The following SEPTIN7 variants were observed in gnomAD, a reference collection of about 807,000 sequenced individuals.
SEPTIN7 encodes the protein septin-7.
Under a neutral mutation model 63.3 loss-of-function variants are expected in SEPTIN7, and 10 were observed. The observed-to-expected ratio is 0.16, with a 90% CI of 0.10 to 0.27. The LOEUF (loss-of-function observed/expected upper bound fraction) is 0.27, where lower values mean the gene tolerates loss of function less well. SEPTIN7 is among the 10% of genes least tolerant of loss of function. The pLI, the probability that SEPTIN7 is intolerant of heterozygous loss-of-function variation, is 1.00. For missense variants in SEPTIN7, 310 were observed against 521.0 expected (o/e 0.59, Z 3.94); for synonymous variants, 131 against 165.3 (o/e 0.79, Z 1.59).
At chr7:35,851,394 A>G (rs1485841872) in intron 3 of SEPTIN7, among the ~76,000 whole-genome samples, 1 of 152,188 alleles carries the variant, frequency 6.6e-6, no homozygotes, top group Non-Finnish European at 1.5e-5. Context: ...CAAAACATGT[A>G]TAATGCATTT....
At chr7:35,801,757 G>A (rs1787996400) in intron 1 of SEPTIN7, among the ~76,000 whole-genome samples, 1 of 152,106 alleles carries the variant, frequency 6.6e-6, no homozygotes. Flanking sequence ...ACGCTCGGGC[G>A]AGGGTGCTGT....
intron 3 of SEPTIN7, among the ~76,000 whole-genome samples, chr7:35,854,396 G>A (rs1215666323): frequency 4.6e-5 from 7 of 152,194 alleles, no homozygotes; most frequent in Admixed American, 1.3e-4. Flanking sequence ...ATCTCTCAAC[G>A]TCTGGAAGCA....
At position 35,904,926 on chromosome 7, in the gene SEPTIN7, C is replaced by T. The variant is rs1788532254; in HGVS notation, c.*633C>T. ...ATTCTCATTTAGTGCCCTCTTTAGC[C>T]AGAATCTCATTACTGCTTCATTTTT... On this transcript the variant is annotated 3_prime_UTR_variant, in exon 14 of 14. Transcript: ENST00000350320. The T allele has an allele frequency of 6.6e-6, 1 of 152,468 alleles. No homozygotes were observed. Among genetic ancestry groups the T allele is most frequent in the African/African-American group, 2.4e-5 (1 of 41,400 alleles). The allele number at this position is 152,468 out of a possible 1,614,324, so 9.4% of individuals were successfully genotyped here. A position where few individuals can be genotyped will look rare whatever the true frequency, so the allele number is the denominator to read the frequency against.
rs1197379980 is a variant in SEPTIN7, at chr7:35,807,878, A to G, written c.61+6608A>G. Among the ~76,000 whole-genome samples, 6 of 151,864 alleles carry G rather than the reference A, an allele frequency of 4.0e-5. No individual in the cohort carries two copies. The East Asian group carries it at 9.8e-4, about 25-fold the overall frequency. ...GGAGTCTTGCTCTGTCACCCAGGCT[A>G]GTGGCATGATCGTGGCTCACTGCAA... On this transcript the variant is annotated intron_variant, in intron 1 of 13. Transcript: ENST00000350320.
In SEPTIN7 at chr7:35,828,265, C is replaced by G. The variant is rs552595403; in HGVS notation, c.62-3227C>G. ...TGTCTGTTTCTGTAATGGTATCTTT[C>G]TCTGTAGCATTCAGCATAGTTAAGT... On this transcript the variant is annotated intron_variant, in intron 1 of 13. Transcript: ENST00000350320. 2.6e-5 allele frequency among the ~76,000 whole-genome samples: 4 copies of G among 152,226 alleles called. No individual in the cohort carries two copies. In the East Asian group the frequency reaches 7.7e-4, roughly 29 times the overall value.
chr7:35,872,825 CT>C, intron 5 of SEPTIN7, 59 bp downstream of exon 5: 1 of 1,104,338 alleles, frequency 9.1e-7, no homozygotes, highest in Non-Finnish European at 1.4e-6. Flanking sequence ...GGTGGTTAAA[CT>C]TTTTCTTCTT....
intron 1 of SEPTIN7, among the ~76,000 whole-genome samples, chr7:35,829,890 A>G (rs1365461313): frequency 6.6e-6 from 1 of 152,144 alleles, no homozygotes; most frequent in Non-Finnish European, 1.5e-5. Context: ...ACATTTGAGT[A>G]ATAAAAATAA....
At chr7:35,903,395 TAGC>T (rs58070051) in intron 13 of SEPTIN7, among the ~76,000 whole-genome samples, 180 bp downstream of exon 13, 72,669 of 151,692 alleles carry the variant, frequency 0.48, 20,545 homozygotes, top group Non-Finnish European at 0.61. Context: ...CTGTGTCCAT[TAGC>T]AGTATTTTTT....
At chr7:35,824,482 C>T (rs1052173424) in intron 1 of SEPTIN7, among the ~76,000 whole-genome samples, 1 of 152,262 alleles carries the variant, frequency 6.6e-6, no homozygotes, top group African/African-American at 2.4e-5. Context: ...TTAAGATATT[C>T]ATTATCTGTC....
chr7:35,845,392 T>C (rs1007895692), intron 3 of SEPTIN7, among the ~76,000 whole-genome samples: 14 of 152,194 alleles, frequency 9.2e-5, no homozygotes, highest in African/African-American at 1.9e-4. Context: ...ATGCAGTTAA[T>C]AAGCTAAATA....
chr7:35,825,378 T>C (rs1277951176), intron 1 of SEPTIN7, among the ~76,000 whole-genome samples: 5 of 152,162 alleles, frequency 3.3e-5, no homozygotes, highest in Non-Finnish European at 5.9e-5. Flanking sequence ...TAAGGAACCA[T>C]ACGCTCTTCT....
chr7:35,821,706 T>C (rs1257441265), intron 1 of SEPTIN7, among the ~76,000 whole-genome samples: 3 of 152,196 alleles, frequency 2.0e-5, no homozygotes, highest in African/African-American at 7.2e-5. Context: ...AAGTTTATAT[T>C]CCAAAAGTCA....
At chr7:35,857,019 CAT>C (rs1304814897) in intron 3 of SEPTIN7, among the ~76,000 whole-genome samples, 2 of 152,090 alleles carry the variant, frequency 1.3e-5, no homozygotes, top group Non-Finnish European at 2.9e-5. Flanking sequence ...TACTCTGAAA[CAT>C]ATAATCAGAT....
At chr7:35,872,432 A>G (rs552899760) in intron 4 of SEPTIN7, among the ~76,000 whole-genome samples, 19 of 152,282 alleles carry the variant, frequency 1.2e-4, no homozygotes. Flanking sequence ...TAAACCCAGT[A>G]TGAATTTGCC....
chr7:35,823,833 ACTT>A (rs1047561020), intron 1 of SEPTIN7, among the ~76,000 whole-genome samples: 3 of 151,768 alleles, frequency 2.0e-5, no homozygotes, highest in African/African-American at 7.3e-5. Context: ...TCACATCTTT[ACTT>A]CTTAAAATCC....
intron 3 of SEPTIN7, among the ~76,000 whole-genome samples, chr7:35,862,531 A>C (rs1785564479): frequency 6.6e-6 from 1 of 152,180 alleles, no homozygotes; most frequent in African/African-American, 2.4e-5. Context: ...GAGTGTGGCC[A>C]ACCCATGTTA....
downstream of SEPTIN7, among the ~76,000 whole-genome samples, chr7:35,907,401 T>C (rs1161758855): frequency 4.6e-5 from 7 of 152,228 alleles, no homozygotes; most frequent in Non-Finnish European, 1.0e-4. Flanking sequence ...ACATGTGTTA[T>C]TTAATCCTTA....
chr7:35,911,432 C>T (rs1427394089), downstream of SEPTIN7, among the ~76,000 whole-genome samples: 1 of 46,046 alleles, frequency 2.2e-5, no homozygotes, highest in African/African-American at 7.3e-5. Context: ...GTAAACAGAA[C>T]TGGACCTGGC....
At chr7:35,856,609 GCAGACTGAGTTCT>G (rs1294982351) in intron 3 of SEPTIN7, among the ~76,000 whole-genome samples, 4 of 152,150 alleles carry the variant, frequency 2.6e-5, no homozygotes, top group African/African-American at 9.7e-5. Context: ...ACCAGAAAAA[GCAGACTGAGTTCT>G]CAACTACTTT....
Sources: gnomAD v4.1 joint callset for allele counts (sites outside exome capture counted in the v4.1 genomes callset) on GRCh38, gnomAD v4.1.1 for gene constraint, MANE v1.5 for transcripts, NCBI Gene and HGNC (gene_info 2026-07-23, HGNC 2026-07-21) for gene names.